Variants in PPP1R12A observed in about 807,000 individuals in gnomAD.
PPP1R12A encodes the protein myosin binding subunit.
PPP1R12A carries 19 observed loss-of-function variants against 139.6 expected under a neutral mutation model. The ratio of observed to expected loss-of-function variants is 0.14; its 90% CI spans 0.09 to 0.20. The LOEUF (loss-of-function observed/expected upper bound fraction) is 0.20. PPP1R12A is among the 10% of genes least tolerant of loss of function. The pLI, the probability that PPP1R12A is intolerant of heterozygous loss-of-function variation, is 1.00. For missense variants in PPP1R12A, 925 were observed against 1,211.5 expected (o/e 0.76, Z 3.51); for synonymous variants, 427 against 420.6 (o/e 1.02, Z -0.19).
intron 22 of PPP1R12A, chr12:79,782,665 A>G (rs1592604283): frequency 2.4e-6 from 1 of 412,328 alleles, no homozygotes; most frequent in South Asian, 1.8e-5. Context: ...AAACAGTGGC[A>G]TCTTAGATTT....
intron 1 of PPP1R12A, among the ~76,000 whole-genome samples, chr12:79,919,339 G>C (rs959324349): frequency 6.6e-6 from 1 of 151,688 alleles, no homozygotes; most frequent in South Asian, 2.1e-4. Flanking sequence ...GGCGGATCAC[G>C]AGGTCAGGAG....
intron 1 of PPP1R12A, among the ~76,000 whole-genome samples, chr12:79,909,039 G>A (rs1489455969): frequency 6.6e-6 from 1 of 152,050 alleles, no homozygotes; most frequent in Non-Finnish European, 1.5e-5. Flanking sequence ...TATTCTTAAG[G>A]ATACCATGAG....
chr12:79,796,490 A>G (rs1046911085), intron 17 of PPP1R12A, among the ~76,000 whole-genome samples: 3 of 152,192 alleles, frequency 2.0e-5, no homozygotes, highest in Non-Finnish European at 2.9e-5. Flanking sequence ...CTACACTAGT[A>G]AACTGCTTCT....
At chr12:79,906,121 T>C (rs1349423658) in intron 1 of PPP1R12A, among the ~76,000 whole-genome samples, 1 of 152,128 alleles carries the variant, frequency 6.6e-6, no homozygotes, top group Non-Finnish European at 1.5e-5. Flanking sequence ...TATTTACTAT[T>C]TGAATGAATA....
intron 1 of PPP1R12A, among the ~76,000 whole-genome samples, chr12:79,892,448 T>C (rs1441982241): frequency 6.6e-6 from 1 of 152,184 alleles, no homozygotes; most frequent in East Asian, 1.9e-4. Flanking sequence ...TTATTATTCG[T>C]TTAATATTTA....
chr12:79,844,162 T>C (rs933080933), intron 3 of PPP1R12A, among the ~76,000 whole-genome samples: 22 of 152,160 alleles, frequency 1.4e-4, no homozygotes, highest in Non-Finnish European at 2.4e-4. Context: ...AACTTTAGAA[T>C]ACTCATCACT....
rs1006592710 is a variant in PPP1R12A at position 79,934,781 on chromosome 12, C to T, written c.151G>A (p.Gly51Ser). 1.3e-6 allele frequency: 2 copies of T among 1,557,952 alleles called. No homozygotes were observed. Among genetic ancestry groups the T allele is most frequent in the East Asian group, 2.4e-5 (1 of 41,370 alleles). The change falls in exon 1 of 25, where the codon GGC (glycine) becomes AGC (serine). Residue 51 changes from glycine (G) to serine (S), a missense_variant. Gly to Ser is a moderately conservative substitution (Grantham distance 56, BLOSUM62 0). Transcript: ENST00000450142. ...AGCTTGAGGACCTCGTCCGTGTCGC[C>T]GCTGGAGCAAGCAGCCAGGAAGACG... ...GAVFLAACSSGDTDEVLKLLH... is the reference protein window; with the variant it reads ...GAVFLAACSSSDTDEVLKLLH...
intron 1 of PPP1R12A, among the ~76,000 whole-genome samples, chr12:79,892,257 CA>C (rs1884720205): frequency 6.6e-6 from 1 of 152,126 alleles, no homozygotes; most frequent in African/African-American, 2.4e-5. Context: ...TCCACTTGCA[CA>C]AATTCAAAGC....
intron 1 of PPP1R12A, among the ~76,000 whole-genome samples, chr12:79,891,069 G>A (rs1412025606): frequency 6.6e-6 from 1 of 151,990 alleles, no homozygotes; most frequent in Non-Finnish European, 1.5e-5. Flanking sequence ...TTGGAAGGCA[G>A]GGGGGAACTA....
chr12:79,839,534 A>G (rs1395225322), intron 3 of PPP1R12A, among the ~76,000 whole-genome samples: 1 of 152,102 alleles, frequency 6.6e-6, no homozygotes, highest in African/African-American at 2.4e-5. Flanking sequence ...CAATCCCCAC[A>G]AGTCGTGGGA....
chr12:79,934,585 G>C (rs762121021), intron 1 of PPP1R12A, 110 bp downstream of exon 1: 31 of 1,032,180 alleles, frequency 3.0e-5, no homozygotes, highest in Non-Finnish European at 3.9e-5. Flanking sequence ...CCGCAGCAGG[G>C]AGTCTCCCGC....
intron 1 of PPP1R12A, among the ~76,000 whole-genome samples, chr12:79,888,439 A>C (rs1223752880): frequency 1.3e-5 from 2 of 152,182 alleles, no homozygotes; most frequent in Non-Finnish European, 1.5e-5. Flanking sequence ...GATCAGAGAA[A>C]GCTACATCAG....
At chr12:79,831,294 A>G (rs1877390766) in intron 4 of PPP1R12A, among the ~76,000 whole-genome samples, 1 of 152,170 alleles carries the variant, frequency 6.6e-6, no homozygotes, top group South Asian at 2.1e-4. Context: ...GAGATTGAAA[A>G]GAGGAGGCTG....
At chr12:79,798,775 T>C (rs1872754472) in intron 14 of PPP1R12A, among the ~76,000 whole-genome samples, 191 bp from the exon 15 acceptor site, 1 of 152,162 alleles carries the variant, frequency 6.6e-6, no homozygotes, top group African/African-American at 2.4e-5. Context: ...ACTAGTTATA[T>C]TTTAATAATT....
chr12:79,888,845 G>A (rs1884341547), intron 1 of PPP1R12A, among the ~76,000 whole-genome samples: 1 of 152,076 alleles, frequency 6.6e-6, no homozygotes, highest in Non-Finnish European at 1.5e-5. Context: ...TAACCAATAG[G>A]CTACACAACT....
At chr12:79,896,209 G>A (rs191674323) in intron 1 of PPP1R12A, among the ~76,000 whole-genome samples, 11 of 152,158 alleles carry the variant, frequency 7.2e-5, no homozygotes, top group Admixed American at 2.0e-4. Context: ...AGTAACATAA[G>A]ACCTTTCTAA....
chr12:79,777,184 T>A (rs1348259808), intron 24 of PPP1R12A: 1 of 895,934 alleles, frequency 1.1e-6, no homozygotes, highest in East Asian at 1.2e-4. Flanking sequence ...TGTTATATAC[T>A]GTTGGTTTTC....
In PPP1R12A at chr12:79,832,351, C is replaced by T. The variant is rs1284445089; in HGVS notation, c.628G>A (p.Gly210Ser). ...ACTTACTTTAAAACTTCCGTATAGC[C>T]TTTAGCAGCTGCAACGTGAAGTGCT... ...GTALHVAAAK[G>S]YTEVLKLLIQ... is the part of the protein sequence containing the mutation. Residue 210 changes from glycine (G) to serine (S), a missense_variant, in exon 4 of 25, where the codon GGC becomes AGC. Around this residue, in one of 4 missense-constraint regions of PPP1R12A, gnomAD observed 199 missense variants for 352.4 expected, o/e 0.56. Transcript: ENST00000450142. The T allele has an allele frequency of 6.2e-7, 1 of 1,611,248 alleles. No homozygotes were observed. The highest frequency in any genetic ancestry group is 1.1e-5 in the South Asian group (1 of 90,334).
At chr12:79,817,355 AG>A (rs1875537241) in intron 9 of PPP1R12A, 38 bp downstream of exon 9, 6 of 1,580,380 alleles carry the variant, frequency 3.8e-6, no homozygotes, top group African/African-American at 2.7e-5. Flanking sequence ...GTACATAAAT[AG>A]AATACATGTA....
Sources: gnomAD v4.1 joint callset for allele counts (sites outside exome capture counted in the v4.1 genomes callset) on GRCh38, gnomAD v4.1.1 for gene constraint, gnomAD v4.1.1 regional missense constraint, MANE v1.5 for transcripts, NCBI Gene and HGNC (gene_info 2026-07-23, HGNC 2026-07-21) for gene names.